Variants in RBM14 observed in about 807,000 individuals in gnomAD.
The protein encoded by RBM14 is RNA binding motif protein 14, also known as RNA-binding protein 14.
Under a neutral mutation model 52.8 loss-of-function variants are expected in RBM14, and 5 were observed. That is an observed-to-expected ratio of 0.09 (90% CI 0.05 to 0.20). The LOEUF (loss-of-function observed/expected upper bound fraction) is 0.20, where lower values mean the gene tolerates loss of function less well. Among genes scored for constraint, RBM14 ranks in the 10% least tolerant of loss-of-function variants. RBM14 has a pLI of 1.00. For synonymous variants in RBM14, 411 were observed against 401.8 expected (o/e 1.02, Z -0.28); for missense variants, 780 against 926.6 (o/e 0.84, Z 2.05).
At chr11:66,622,374 T>C (rs1455160648) in intron 1 of RBM14, among the ~76,000 whole-genome samples, 2 of 151,884 alleles carry the variant, frequency 1.3e-5, no homozygotes, top group South Asian at 2.1e-4. Context: ...GCTGGAATTA[T>C]AGGTGTGCAC....
chr11:66,620,758 C>T (rs959672544), intron 1 of RBM14: 1 of 152,020 alleles, frequency 6.6e-6, no homozygotes, highest in African/African-American at 2.4e-5. Flanking sequence ...TCTTGTAAGC[C>T]CATGGAAGTT....
rs531455659 is a variant in RBM14 at position 66,620,235 on chromosome 11, C to T, written c.337+3178C>T. The stretch of plus-strand genomic sequence containing the variant: ...CCTCCAGTGTCAGGCTTAGAAACTT[C>T]CTGATACAATTTGGTTATAATTGTA... On this transcript the variant is annotated intron_variant, in intron 1 of 2. Transcript: ENST00000310137. Among the ~76,000 whole-genome samples, 9 of 152,240 alleles carry T rather than the reference C, an allele frequency of 5.9e-5. No individual in the cohort carries two copies. In the East Asian group the frequency reaches 1.7e-3, roughly 29 times the overall value.
chr11:66,625,752 A>G lies in RBM14; in HGVS notation c.1802+74A>G. On this transcript the variant is annotated intron_variant, in intron 2 of 2. Transcript: ENST00000310137. This position sits in a 1 kb window ranked among gnomAD's most constrained non-coding sequence, Gnocchi z 4.2. ...GGGCTGAGGTTGGCATGGGAGGGAA[A>G]CTGGAGGCATCGGCCCCTCCCTCGG... The G allele has an allele frequency of 8.3e-7, 1 of 1,206,904 alleles. No individual in the cohort carries two copies. Among genetic ancestry groups the G allele is most frequent in the East Asian group, 2.4e-5 (1 of 41,522 alleles). The allele number at this position is 1,206,904 out of a possible 1,614,324, so 74.8% of individuals were successfully genotyped here.
intron 1 of RBM14, among the ~76,000 whole-genome samples, chr11:66,621,128 C>T (rs911493229): frequency 6.6e-6 from 1 of 152,058 alleles, no homozygotes; most frequent in Non-Finnish European, 1.5e-5. Flanking sequence ...ACCTCAGTCT[C>T]CCAAAGTATT....
At chr11:66,626,268 T>A (rs1168046768) in intron 2 of RBM14, among the ~76,000 whole-genome samples, 193 bp from the exon 3 acceptor site, 1 of 152,160 alleles carries the variant, frequency 6.6e-6, no homozygotes, top group Non-Finnish European at 1.5e-5. Flanking sequence ...AGGGTTTGAT[T>A]TCCCACTGAG....
In RBM14 at chr11:66,627,020, C is replaced by T; in HGVS notation, c.*352C>T. 1 of 191,368 alleles carries T rather than the reference C, an allele frequency of 5.2e-6. No individual in the cohort carries two copies. The highest frequency in any genetic ancestry group is 1.1e-5 in the Non-Finnish European group (1 of 93,720). 11.9% of individuals were successfully genotyped at this position (191,368 alleles called of 1,614,324 possible). A position where few individuals can be genotyped will look rare whatever the true frequency, so the allele number is the denominator to read the frequency against. On this transcript the variant is annotated 3_prime_UTR_variant, in exon 3 of 3. Transcript: ENST00000310137. ...GTCGTCTGGATGGGGAAGCAACCTG[C>T]AGCTGAGGTCGCCGGCGCCTTTTTC...
Position 66,627,564 on chromosome 11 carries a change from G to C in RBM14, c.*896G>C, listed in dbSNP as rs986187217. Among the ~76,000 whole-genome samples, 18 of 152,194 alleles carry C rather than the reference G, an allele frequency of 1.2e-4. No homozygotes were observed. The highest frequency in any genetic ancestry group is 3.9e-4 in the African/African-American group (16 of 41,450). On this transcript the variant is annotated 3_prime_UTR_variant, in exon 3 of 3. Coordinates refer to ENST00000310137, the MANE Select transcript of RBM14 (RefSeq NM_006328.4). ...TCAGACTTTCCAGGGCAGGTGGCCT[G>C]GTCCTCAGCCCTCAACTTGAGTTAG...
Position 66,626,615 on chromosome 11 carries a change from AATG to A in RBM14, c.1960_1962del (p.Asp654del). 1 of 1,613,298 alleles carries A rather than the reference AATG, an allele frequency of 6.2e-7. No homozygotes were observed. The highest frequency in any genetic ancestry group is 8.5e-7 in the Non-Finnish European group (1 of 1,179,920). ...TTACGCACGCTATTCGGGCTCCTAT[AATG>A]ATTACCTGCGGGCGGCTCAGATGCA... is the stretch of plus-strand genomic sequence containing the variant. On this transcript the variant is annotated inframe_deletion, in exon 3 of 3. Coordinates refer to ENST00000310137, the MANE Select transcript of RBM14 (RefSeq NM_006328.4).
At chr11:66,617,280 GGCC>G in intron 1 of RBM14, 1 of 1,350,862 alleles carries the variant, frequency 7.4e-7, no homozygotes, top group Non-Finnish European at 9.5e-7. Context: ...TGGGTGCGGC[GGCC>G]ACTGCGAGCC....
At chr11:66,623,284 C>T (rs1859199056) in intron 1 of RBM14, among the ~76,000 whole-genome samples, 1 of 152,182 alleles carries the variant, frequency 6.6e-6, no homozygotes, top group African/African-American at 2.4e-5. Context: ...TGGTCTGGGA[C>T]AGGGGGATTG....
In RBM14 at chr11:66,624,593, C is replaced by A. The variant is rs765141994; in HGVS notation, c.717C>A (p.Ala239=). 5.6e-6 allele frequency: 9 copies of A among 1,612,198 alleles called. No homozygotes were observed. The highest frequency in any genetic ancestry group is 7.6e-6 in the Non-Finnish European group (9 of 1,180,004). ...PLTAQPATYR[A]QPSVSLGAAY... Reference sequence around the variant, plus strand: ...CGGCCCAGCCAGCTACCTACCGGGCCCAGCCGTCCGTGTCACTGGGAGCTG... The same window carrying A: ...CGGCCCAGCCAGCTACCTACCGGGCACAGCCGTCCGTGTCACTGGGAGCTG... Residue 239 remains alanine, a synonymous_variant, in exon 2 of 3, where the codon GCC becomes GCA. Transcript: ENST00000310137. The surrounding 1 kb of genome is among the most constrained non-coding windows in gnomAD (Gnocchi z 4.7).
In RBM14 at chr11:66,625,240, C is replaced by G. The variant is rs73505431; in HGVS notation, c.1364C>G (p.Thr455Ser). Residue 455 changes from threonine (T) to serine (S), a missense_variant, in exon 2 of 3, where the codon ACC (threonine) becomes AGC (serine). Thr to Ser is a moderately conservative substitution (Grantham distance 58, BLOSUM62 1). Around this residue, in one of 4 missense-constraint regions of RBM14, gnomAD observed 675 missense variants for 697.3 expected, o/e 0.97. Transcript: ENST00000310137. This position sits in a 1 kb window ranked among gnomAD's most constrained non-coding sequence, Gnocchi z 4.2. ...GCAGCCTACGCCGCACAAGCCACTA[C>G]CCCAATGGCTGGCTCCTATGGGGCC... The part of the protein sequence containing the change: ...QPAAYAAQAT[T>S]PMAGSYGAQP... 5.7e-5 allele frequency: 92 copies of G among 1,612,704 alleles called. No individual in the cohort carries two copies. In the African/African-American group the frequency reaches 1.1e-3, roughly 19 times the overall value.
In RBM14 at chr11:66,625,360, C is replaced by T; in HGVS notation, c.1484C>T (p.Thr495Ile). 6.2e-7 allele frequency: 1 copy of T among 1,606,990 alleles called. No individual in the cohort carries two copies. The highest frequency in any genetic ancestry group is 8.5e-7 in the Non-Finnish European group (1 of 1,177,932). The change falls in exon 2 of 3, where the codon ACT (threonine) becomes ATT (isoleucine). Residue 495 changes from threonine to isoleucine, a missense_variant. Around this residue, in one of 4 missense-constraint regions of RBM14, gnomAD observed 675 missense variants for 697.3 expected, o/e 0.97. Coordinates refer to ENST00000310137, the MANE Select transcript of RBM14 (RefSeq NM_006328.4). This position sits in a 1 kb window ranked among gnomAD's most constrained non-coding sequence, Gnocchi z 4.2. ...SYGAQSAAAA[T>I]GSYGAAAAYG... Reference sequence around the variant, plus strand: ...GGGGCTCAGTCGGCTGCTGCGGCCACTGGCTCCTATGGTGCCGCAGCAGCC... The same window carrying T: ...GGGGCTCAGTCGGCTGCTGCGGCCATTGGCTCCTATGGTGCCGCAGCAGCC...
chr11:66,620,317 T>A (rs1859048442), intron 1 of RBM14, among the ~76,000 whole-genome samples: 1 of 152,102 alleles, frequency 6.6e-6, no homozygotes, highest in Non-Finnish European at 1.5e-5. Flanking sequence ...ATTTATTATT[T>A]TTTTTTATGA....
intron 1 of RBM14, chr11:66,619,528 A>T (rs1003713762): frequency 2.0e-5 from 3 of 151,616 alleles, no homozygotes; most frequent in Admixed American, 6.6e-5. Flanking sequence ...TCTTCTTCCT[A>T]TACAGAGCTC....
chr11:66,623,155 T>G (rs145384738), intron 1 of RBM14, among the ~76,000 whole-genome samples: 9 of 152,318 alleles, frequency 5.9e-5, no homozygotes, highest in African/African-American at 2.2e-4. Flanking sequence ...TAATTGCAGC[T>G]TCATACCTTA....
chr11:66,629,317 G>C lies in RBM14; in HGVS notation c.*2649G>C, dbSNP rs1285497601. ...GGCCTTCATTGGAGAAGTTTTAGTTGGCTTATTCCTGGAACAAGACCACCT... is the reference window on the plus strand; with the variant it reads ...GGCCTTCATTGGAGAAGTTTTAGTTCGCTTATTCCTGGAACAAGACCACCT... On this transcript the variant is annotated 3_prime_UTR_variant, in exon 3 of 3. Transcript: ENST00000310137. Among the ~76,000 whole-genome samples, 1 of 152,146 alleles carries C rather than the reference G, an allele frequency of 6.6e-6. No individual in the cohort carries two copies. The highest frequency in any genetic ancestry group is 1.9e-4 in the East Asian group (1 of 5,190).
chr11:66,622,116 A>G (rs909685005), intron 1 of RBM14, among the ~76,000 whole-genome samples: 2 of 150,810 alleles, frequency 1.3e-5, no homozygotes, highest in African/African-American at 4.9e-5. Flanking sequence ...TGGTTTCACC[A>G]TGTTGGCCAG....
Position 66,616,650 on chromosome 11 carries a change from G to A in RBM14, c.-71G>A. The A allele has an allele frequency of 6.7e-7, 1 of 1,493,814 alleles. No individual in the cohort carries two copies. The allele number at this position is 1,493,814 out of a possible 1,614,324, so 92.5% of individuals were successfully genotyped here. On this transcript the variant is annotated 5_prime_UTR_variant, in exon 1 of 3. Transcript: ENST00000310137. ...CAGCCATTCCTGAGGAGGACTGCCGGTCGTTCGGACGTCTTGCCTGTCGCT... is the reference window on the plus strand; with the variant it reads ...CAGCCATTCCTGAGGAGGACTGCCGATCGTTCGGACGTCTTGCCTGTCGCT...
Sources: allele counts gnomAD v4.1 joint callset (sites outside exome capture counted in the v4.1 genomes callset), GRCh38; gene constraint gnomAD v4.1.1; regional missense constraint gnomAD v4.1.1; non-coding constraint Gnocchi (gnomAD v3.1); transcripts MANE v1.5; gene names NCBI Gene and HGNC (gene_info 2026-07-23, HGNC 2026-07-21).